EYS: variants seen among roughly 807,000 people sequenced by gnomAD.
The protein encoded by EYS is protein eyes shut homolog.
A neutral mutation model predicts 282.1 loss-of-function variants in EYS; 250 were observed. The observed-to-expected ratio is 0.89, with a 90% CI of 0.80 to 0.98. The LOEUF (loss-of-function observed/expected upper bound fraction) is 0.98. Ranked by LOEUF, EYS falls within the 50% of genes least tolerant of loss-of-function variation. The pLI, the probability that EYS is intolerant of heterozygous loss-of-function variation, is 0.00. For synonymous variants in EYS, 1,355 were observed against 1,282.9 expected, an observed-to-expected ratio of 1.06 and a Z score of -1.20; for missense variants, 4,016 against 3,709.0, an observed-to-expected ratio of 1.08 and a Z score of -2.15.
chr6:64,369,948 C>T (rs993744122), intron 29 of EYS, among the ~76,000 whole-genome samples: 5 of 151,854 alleles, frequency 3.3e-5, no homozygotes, highest in Admixed American at 1.3e-4. Flanking sequence ...ATGGAGTTTT[C>T]TTGGTATAGA....
intron 28 of EYS, among the ~76,000 whole-genome samples, chr6:64,434,825 A>T (rs549468339): frequency 8.1e-4 from 124 of 152,188 alleles, no homozygotes; most frequent in Middle Eastern, 3.4e-3. Flanking sequence ...ATGATTTTTT[A>T]AAAATGTATT....
chr6:65,108,329 C>T (rs1561969559), intron 12 of EYS, among the ~76,000 whole-genome samples: 1 of 152,056 alleles, frequency 6.6e-6, no homozygotes, highest in Admixed American at 6.6e-5. Context: ...CAGGAGCTCA[C>T]TCCACTCGCT....
At chr6:65,248,003 T>G (rs1232556205) in intron 12 of EYS, among the ~76,000 whole-genome samples, 2 of 152,010 alleles carry the variant, frequency 1.3e-5, no homozygotes, top group East Asian at 3.9e-4. Context: ...TGATTTTAGA[T>G]TGCTTATAAT....
intron 11 of EYS, among the ~76,000 whole-genome samples, chr6:65,307,326 C>T (rs1445712711): frequency 1.3e-5 from 2 of 151,716 alleles, no homozygotes; most frequent in African/African-American, 4.8e-5. Context: ...ATGGTTCCTC[C>T]TCTCTTACTG....
At chr6:63,757,646 C>T (rs1049060837) in intron 41 of EYS, among the ~76,000 whole-genome samples, 6 of 152,042 alleles carry the variant, frequency 3.9e-5, no homozygotes, top group Admixed American at 3.3e-4. Flanking sequence ...TGTGATGTCA[C>T]CCCCAGTGGC....
At chr6:65,606,635 T>A (rs186935263) in intron 2 of EYS, among the ~76,000 whole-genome samples, 39 of 151,862 alleles carry the variant, frequency 2.6e-4, no homozygotes, top group African/African-American at 7.0e-4. Context: ...AAAACTGAAA[T>A]TCTATAACAA....
At chr6:65,312,839 G>A (rs1212977175) in intron 11 of EYS, among the ~76,000 whole-genome samples, 1 of 152,040 alleles carries the variant, frequency 6.6e-6, no homozygotes, top group Non-Finnish European at 1.5e-5. Flanking sequence ...CAATGTTCCT[G>A]TAACCAGTTG....
At chr6:64,870,605 A>G (rs1423679699) in intron 19 of EYS, among the ~76,000 whole-genome samples, 1 of 151,808 alleles carries the variant, frequency 6.6e-6, no homozygotes, top group African/African-American at 2.4e-5. Context: ...ACCTTCCTGA[A>G]TAATACCTCG....
intron 14 of EYS, among the ~76,000 whole-genome samples, chr6:64,966,697 A>T (rs9354194): frequency 0.068 from 10,292 of 152,268 alleles, 440 homozygotes; most frequent in East Asian, 0.13. Context: ...CAATCCTCAC[A>T]TAGCCTTTTT....
intron 35 of EYS, among the ~76,000 whole-genome samples, chr6:63,877,729 T>C (rs1773014615): frequency 6.6e-6 from 1 of 152,234 alleles, no homozygotes; most frequent in Non-Finnish European, 1.5e-5. Context: ...TGATCTTCAG[T>C]CGCTGTTACC....
At chr6:64,961,228 C>T (rs1769904855) in intron 14 of EYS, among the ~76,000 whole-genome samples, 1 of 152,144 alleles carries the variant, frequency 6.6e-6, no homozygotes, top group Non-Finnish European at 1.5e-5. Flanking sequence ...GGAATCATCA[C>T]ACTGTCTTCC....
chr6:64,117,785 TC>T (rs1267931623), intron 31 of EYS, among the ~76,000 whole-genome samples: 2 of 151,936 alleles, frequency 1.3e-5, no homozygotes, highest in Non-Finnish European at 2.9e-5. Context: ...GATAACATAG[TC>T]TTATATATTT....
intron 31 of EYS, among the ~76,000 whole-genome samples, chr6:64,181,208 A>G (rs1442123218): frequency 2.0e-5 from 3 of 152,208 alleles, no homozygotes; most frequent in Non-Finnish European, 2.9e-5. Context: ...ACTGTACTCT[A>G]TGATACAGAC....
intron 11 of EYS, among the ~76,000 whole-genome samples, chr6:65,298,519 C>T (rs145918489): frequency 6.6e-6 from 1 of 151,958 alleles, no homozygotes; most frequent in South Asian, 2.1e-4. Context: ...TTTTATTGAG[C>T]TTTAATGTCC....
chr6:64,310,529 T>C (rs1417532963), intron 29 of EYS, among the ~76,000 whole-genome samples: 1 of 152,110 alleles, frequency 6.6e-6, no homozygotes, highest in Non-Finnish European at 1.5e-5. Flanking sequence ...AGCTAAAGGA[T>C]GAGAATAGCT....
chr6:65,161,876 C>T (rs957863587), intron 12 of EYS, among the ~76,000 whole-genome samples: 3 of 150,546 alleles, frequency 2.0e-5, no homozygotes, highest in African/African-American at 7.4e-5. Context: ...TTAGGTCAAA[C>T]ATTCTAAAAT....
At chr6:65,171,658 C>T (rs756871439) in intron 12 of EYS, among the ~76,000 whole-genome samples, 8 of 151,374 alleles carry the variant, frequency 5.3e-5, no homozygotes, top group Non-Finnish European at 1.2e-4. Flanking sequence ...CAAAACTCTG[C>T]CACCCACCCT....
chr6:65,555,032 A>G, intron 2 of EYS, among the ~76,000 whole-genome samples: 1 of 152,154 alleles, frequency 6.6e-6, no homozygotes, highest in East Asian at 1.9e-4. Context: ...AAACAATTCA[A>G]ATTGTACCTG....
At chr6:64,684,592 A>AAT (rs1554192863) in intron 22 of EYS, among the ~76,000 whole-genome samples, 1 of 150,302 alleles carries the variant, frequency 6.7e-6, no homozygotes, top group Non-Finnish European at 1.5e-5. Flanking sequence ...TAGGAAAAAA[A>AAT]ATATATAGAG....
Sources: gnomAD v4.1 joint callset for allele counts (sites outside exome capture counted in the v4.1 genomes callset) on GRCh38, gnomAD v4.1.1 for gene constraint, MANE v1.5 for transcripts, NCBI Gene and HGNC (gene_info 2026-07-23, HGNC 2026-07-21) for gene names.